Variants in CAMK2B observed in about 807,000 individuals in gnomAD.
CAMK2B encodes calcium/calmodulin dependent protein kinase II beta.
A neutral mutation model predicts 93.7 loss-of-function variants in CAMK2B; 27 were observed. The observed-to-expected ratio is 0.29, with a 90% CI of 0.21 to 0.40. The LOEUF is 0.40. Ranked by LOEUF, CAMK2B falls within the 10% of genes least tolerant of loss-of-function variation. The pLI is 1.00. For synonymous variants in CAMK2B, 374 were observed against 358.8 expected (o/e 1.04, Z -0.48); for missense variants, 568 against 895.8 (o/e 0.63, Z 4.67).
Position 44,277,248 on chromosome 7 carries a change from G to A in CAMK2B, c.160+6883C>T, listed in dbSNP as rs540390849. On this transcript the variant is annotated intron_variant, in intron 2 of 23. Coordinates refer to ENST00000395749, the MANE Select transcript of CAMK2B (RefSeq NM_001220.5). The stretch of plus-strand genomic sequence containing the variant: ...TGTGCCTAATGATCTCTTTACCCCC[G>A]TCAATTAATTTCCTCTAACTGCTTT... 3.4e-4 allele frequency among the ~76,000 whole-genome samples: 52 copies of A among 152,284 alleles called. 1 individual carries two copies. The highest frequency in any genetic ancestry group is 6.8e-3 in the Middle Eastern group (2 of 294).
chr7:44,225,230 T>C lies in CAMK2B; in HGVS notation c.1597+1286A>G, dbSNP rs1235527553. On this transcript the variant is annotated intron_variant, in intron 20 of 23. Transcript: ENST00000395749. This position sits in a 1 kb window ranked among gnomAD's most constrained non-coding sequence, Gnocchi z 5.0. ...CTGGGCTGGGGTCATGCCAACCTGA[T>C]GGGGTGACCTTCCAGGCAGGCTCCT... 6.6e-6 allele frequency among the ~76,000 whole-genome samples: 1 copy of C among 152,142 alleles called. No homozygotes were observed. Among genetic ancestry groups the C allele is most frequent in the Non-Finnish European group, 1.5e-5 (1 of 67,996 alleles).
intron 1 of CAMK2B, 174 bp downstream of exon 1, chr7:44,325,183 G>T: frequency 5.5e-6 from 1 of 181,576 alleles, no homozygotes; most frequent in Non-Finnish European, 1.0e-5. Flanking sequence ...AGCCAGGCCC[G>T]GGGCCGGGGG....
At chr7:44,313,178 G>A (rs1031295914) in intron 1 of CAMK2B, among the ~76,000 whole-genome samples, 43 of 152,202 alleles carry the variant, frequency 2.8e-4, no homozygotes, top group Middle Eastern at 3.4e-3. Context: ...CCTAGCTGGG[G>A]TCCTGAGTGA....
intron 1 of CAMK2B, among the ~76,000 whole-genome samples, chr7:44,316,941 T>C (rs952318372): frequency 6.6e-6 from 1 of 152,166 alleles, no homozygotes; most frequent in Admixed American, 6.5e-5. Flanking sequence ...ACCTTCCTCC[T>C]AACTAGCACT....
At chr7:44,238,057 AC>A (rs1404757772) in intron 13 of CAMK2B, among the ~76,000 whole-genome samples, 1 of 152,220 alleles carries the variant, frequency 6.6e-6, no homozygotes, top group Non-Finnish European at 1.5e-5. Flanking sequence ...ACTGGATGGT[AC>A]TAGACTCAGC....
chr7:44,302,068 A>G (rs1356802481), intron 1 of CAMK2B, among the ~76,000 whole-genome samples: 1 of 152,232 alleles, frequency 6.6e-6, no homozygotes, highest in African/African-American at 2.4e-5. Context: ...AAGTGGGGCC[A>G]CCAATACAGA....
intron 12 of CAMK2B, among the ~76,000 whole-genome samples, chr7:44,240,466 G>A (rs1046615858): frequency 2.6e-5 from 4 of 152,252 alleles, no homozygotes; most frequent in African/African-American, 7.2e-5. Flanking sequence ...CGTGTTCAGG[G>A]GGTGGAGGGA....
Position 44,272,181 on chromosome 7 carries a change from T to C in CAMK2B, c.161-9117A>G, listed in dbSNP as rs182286610. ...CCCTCTGGAGATCTGGGGCGGGGAA[T>C]TGGGGGGGTGGGCAGCGAGGACTTG... is the stretch of plus-strand genomic sequence containing the variant. On this transcript the variant is annotated intron_variant, in intron 2 of 23. Transcript: ENST00000395749. Among the ~76,000 whole-genome samples the C allele has an allele frequency of 8.2e-3, 1,238 of 151,522 alleles. 8 individuals are homozygous for C. The highest frequency in any genetic ancestry group is 0.02 in the Middle Eastern group (6 of 294).
At chr7:44,305,592 G>A (rs1791241808) in intron 1 of CAMK2B, among the ~76,000 whole-genome samples, 1 of 152,216 alleles carries the variant, frequency 6.6e-6, no homozygotes, top group African/African-American at 2.4e-5. Context: ...CAGTCTCCTG[G>A]GGAGATGGAC....
intron 2 of CAMK2B, among the ~76,000 whole-genome samples, chr7:44,276,989 T>G (rs555616408): frequency 6.6e-6 from 1 of 152,188 alleles, no homozygotes; most frequent in Admixed American, 6.5e-5. Context: ...GAAGGGCCAT[T>G]CCAGGGCACG....
At chr7:44,246,803 G>A (rs937268054) in intron 6 of CAMK2B, among the ~76,000 whole-genome samples, 8 of 151,834 alleles carry the variant, frequency 5.3e-5, no homozygotes, top group South Asian at 2.1e-4. Flanking sequence ...ATGTACACAC[G>A]TATGCACATG....
chr7:44,232,802 G>A lies in CAMK2B; in HGVS notation c.1176+20C>T. On this transcript the variant is annotated intron_variant, in intron 16 of 23. Coordinates refer to ENST00000395749, the MANE Select transcript of CAMK2B (RefSeq NM_001220.5). ...AGCCTCCTGCCTGGGGAAAGCGGGA[G>A]GAGGAAAGTGGGGCAGTACCTTAAT... The A allele has an allele frequency of 6.2e-7, 1 of 1,613,058 alleles. No individual in the cohort carries two copies. The highest frequency in any genetic ancestry group is 8.5e-7 in the Non-Finnish European group (1 of 1,179,058).
In CAMK2B at chr7:44,219,365, G is replaced by GTTTTTT. The variant is rs1185413134; in HGVS notation, c.*154_*159dup. 2.4e-5 allele frequency: 1 copy of GTTTTTT among 42,114 alleles called. No homozygotes were observed. Among genetic ancestry groups the GTTTTTT allele is most frequent in the Non-Finnish European group, 4.2e-5 (1 of 23,972 alleles). The allele number at this position is 42,114 out of a possible 1,614,324, so 2.6% of individuals were successfully genotyped here. A position where few individuals can be genotyped will look rare whatever the true frequency, so the allele number is the denominator to read the frequency against. On this transcript the variant is annotated 3_prime_UTR_variant, in exon 24 of 24. Coordinates refer to ENST00000395749, the MANE Select transcript of CAMK2B (RefSeq NM_001220.5). ...TCTTGTTTTTTTTTTTTTTTTTTTT[G>GTTTTTT]TTTTTTTTTAACAAATCACATCTGG...
intron 5 of CAMK2B, among the ~76,000 whole-genome samples, chr7:44,254,120 C>T (rs2096809144): frequency 6.6e-6 from 1 of 152,284 alleles, no homozygotes; most frequent in South Asian, 2.1e-4. Context: ...CCCCAGCTGA[C>T]ATCTGCCATC....
chr7:44,222,248 C>G (rs188413101), intron 20 of CAMK2B, among the ~76,000 whole-genome samples: 106 of 152,324 alleles, frequency 7.0e-4, no homozygotes, highest in African/African-American at 2.4e-3. Context: ...CCCAGCACTG[C>G]GCTCTGTGAC....
intron 1 of CAMK2B, among the ~76,000 whole-genome samples, chr7:44,304,930 T>C (rs1452069453): frequency 1.3e-5 from 2 of 151,528 alleles, no homozygotes; most frequent in African/African-American, 2.4e-5. Flanking sequence ...TTCTTTTTCA[T>C]TGTAAAGAGA....
At chr7:44,232,798 G>A (rs765472584) in intron 16 of CAMK2B, 24 bp downstream of exon 16, 75 of 1,612,232 alleles carry the variant, frequency 4.7e-5, no homozygotes, top group Middle Eastern at 3.3e-4. Flanking sequence ...TGGGGAAAGC[G>A]GGAGGAGGAA....
chr7:44,263,207 T>C, intron 2 of CAMK2B, 143 bp from the exon 3 acceptor site: 1 of 689,856 alleles, frequency 1.4e-6, no homozygotes, highest in South Asian at 2.3e-5. Context: ...GGAACACCCT[T>C]CGTGGCACCC....
chr7:44,249,907 T>G (rs1327617010), intron 5 of CAMK2B, among the ~76,000 whole-genome samples: 1 of 151,762 alleles, frequency 6.6e-6, no homozygotes, highest in East Asian at 1.9e-4. Flanking sequence ...CTGAGGAGGC[T>G]CCCCTCCCCT....
Sources: gnomAD v4.1 joint callset for allele counts (sites outside exome capture counted in the v4.1 genomes callset) on GRCh38, gnomAD v4.1.1 for gene constraint, Gnocchi (gnomAD v3.1) non-coding constraint, MANE v1.5 for transcripts, NCBI Gene and HGNC (gene_info 2026-07-23, HGNC 2026-07-21) for gene names.